The following SYN2 variants were observed in gnomAD, a reference collection of about 807,000 sequenced individuals.
SYN2 encodes synapsin-2.
SYN2 carries 19 observed loss-of-function variants against 50.9 expected under a neutral mutation model. That is an observed-to-expected ratio of 0.37 (90% CI 0.26 to 0.55). SYN2 has a LOEUF of 0.55. Among genes scored for constraint, SYN2 ranks in the 20% least tolerant of loss-of-function variants. The pLI is 0.81. For synonymous variants in SYN2, 255 were observed against 224.9 expected (o/e 1.13, Z -1.20); for missense variants, 587 against 576.4 (o/e 1.02, Z -0.19).
Position 12,048,622 on chromosome 3 carries a change from G to A in SYN2, c.377+43694G>A, listed in dbSNP as rs115561703. Among the ~76,000 whole-genome samples the A allele has an allele frequency of 3.9e-3, 587 of 152,352 alleles. 1 individual carries two copies. Among genetic ancestry groups the A allele is most frequent in the Non-Finnish European group, 5.4e-3 (369 of 68,028 alleles). ...GAACGCTTATTGTGTGCCAGGTATT[G>A]TGATAGGTAGATAGTGGATAAGACA... is the stretch of plus-strand genomic sequence containing the variant. On this transcript the variant is annotated intron_variant, in intron 1 of 12. Coordinates refer to ENST00000621198, the MANE Select transcript of SYN2 (RefSeq NM_133625.6).
At chr3:12,097,222 A>G (rs1226783712) in intron 1 of SYN2, among the ~76,000 whole-genome samples, 3 of 152,192 alleles carry the variant, frequency 2.0e-5, no homozygotes, top group Non-Finnish European at 2.9e-5. Flanking sequence ...ATGCACACGT[A>G]TGTTTATTGC....
chr3:12,168,432 C>T lies in SYN2; in HGVS notation c.1112C>T (p.Ala371Val), dbSNP rs1444728459. Residue 371 changes from alanine (A) to valine (V), a missense_variant, in exon 9 of 13, where the codon GCT becomes GTT. Transcript: ENST00000621198. ...ATGTTTGGCGGCCTGGACATCTGTG[C>T]TGTCAAAGCTGTACATGGCAAAGAT... ...SEMFGGLDIC[A>V]VKAVHGKDGK... 2 of 1,613,950 alleles carry T rather than the reference C, an allele frequency of 1.2e-6. No homozygotes were observed. Among genetic ancestry groups the T allele is most frequent in the South Asian group, 1.1e-5 (1 of 91,052 alleles).
intron 1 of SYN2, among the ~76,000 whole-genome samples, chr3:12,103,293 A>G (rs550437436): frequency 1.3e-5 from 2 of 152,314 alleles, no homozygotes; most frequent in Admixed American, 6.5e-5. Context: ...AAGGAAGATA[A>G]TCCCAGAAGG....
chr3:12,179,955 A>G lies in SYN2; in HGVS notation c.1309-3357A>G, dbSNP rs1048686095. The stretch of plus-strand genomic sequence containing the variant: ...GTTGGTTGGGGTTTATTATTTATTT[A>G]TATATTTTTTTGAGACGGGGTCTCA... On this transcript the variant is annotated intron_variant, in intron 10 of 12. Coordinates refer to ENST00000621198, the MANE Select transcript of SYN2 (RefSeq NM_133625.6). Among the ~76,000 whole-genome samples, 5 of 151,980 alleles carry G rather than the reference A, an allele frequency of 3.3e-5. No individual in the cohort carries two copies. In the South Asian group the frequency reaches 1.0e-3, roughly 32 times the overall value.
chr3:12,170,012 C>T lies in SYN2; in HGVS notation c.1308+106C>T, dbSNP rs1697904301. 3 of 1,364,570 alleles carry T rather than the reference C, an allele frequency of 2.2e-6. No individual in the cohort carries two copies. In the African/African-American group the frequency reaches 4.4e-5, roughly 20 times the overall value. The allele number at this position is 1,364,570 out of a possible 1,614,324, so 84.5% of individuals were successfully genotyped here. A position where few individuals can be genotyped will look rare whatever the true frequency, so the allele number is the denominator to read the frequency against. On this transcript the variant is annotated intron_variant, in intron 10 of 12. Transcript: ENST00000621198. ...GAGTACAGGCCAGATGCCCACAGGC[C>T]TAAATGGGATCTAAGGAGACATCTC...
intron 10 of SYN2, among the ~76,000 whole-genome samples, chr3:12,172,994 A>C (rs1201568451): frequency 6.6e-6 from 1 of 152,232 alleles, no homozygotes; most frequent in Non-Finnish European, 1.5e-5. Flanking sequence ...GTGTGTGCTT[A>C]AAATTAGTTA....
At chr3:12,023,253 G>A (rs562267049) in intron 1 of SYN2, among the ~76,000 whole-genome samples, 1 of 152,140 alleles carries the variant, frequency 6.6e-6, no homozygotes, top group Non-Finnish European at 1.5e-5. Context: ...AGGGAATACA[G>A]GGATAAAATT....
chr3:12,088,547 A>G (rs1383769367), intron 1 of SYN2, among the ~76,000 whole-genome samples: 4 of 152,240 alleles, frequency 2.6e-5, no homozygotes, highest in Admixed American at 2.0e-4. Flanking sequence ...TTCTGGATAT[A>G]TATCCAAAGG....
intron 1 of SYN2, among the ~76,000 whole-genome samples, chr3:12,011,426 C>T (rs1693909563): frequency 6.6e-6 from 1 of 152,078 alleles, no homozygotes; most frequent in South Asian, 2.1e-4. Flanking sequence ...GGGCAGTGAC[C>T]TGTGGAGAGA....
At chr3:12,183,516 C>CA in intron 11 of SYN2, 144 bp downstream of exon 11, 4 of 1,571,368 alleles carry the variant, frequency 2.5e-6, no homozygotes, top group Non-Finnish European at 3.4e-6. Context: ...GAGGGGAAAA[C>CA]AGACCCTCCC....
At chr3:12,130,858 A>G (rs1188454006) in intron 1 of SYN2, among the ~76,000 whole-genome samples, 1 of 152,250 alleles carries the variant, frequency 6.6e-6, no homozygotes, top group Non-Finnish European at 1.5e-5. Context: ...ACAAATCAAC[A>G]GGTTTCATTC....
intron 1 of SYN2, among the ~76,000 whole-genome samples, chr3:12,048,010 C>G (rs1218927198): frequency 1.3e-5 from 2 of 152,146 alleles, no homozygotes; most frequent in East Asian, 3.9e-4. Flanking sequence ...GTTGTGTATT[C>G]CAACCTTTTA....
intron 1 of SYN2, 145 bp from the exon 2 acceptor site, chr3:12,140,506 C>T (rs1330195336): frequency 5.9e-6 from 4 of 679,256 alleles, no homozygotes; most frequent in Non-Finnish European, 8.2e-6. Context: ...GTGGTGATCT[C>T]ATAGCAGAAT....
At chr3:12,134,310 A>C (rs996233155) in intron 1 of SYN2, among the ~76,000 whole-genome samples, 9 of 152,212 alleles carry the variant, frequency 5.9e-5, no homozygotes, top group Admixed American at 5.2e-4. Context: ...AGTTGTAAAA[A>C]ATCATTTGGA....
At chr3:12,168,988 C>T (rs1334199233) in intron 9 of SYN2, among the ~76,000 whole-genome samples, 1 of 152,190 alleles carries the variant, frequency 6.6e-6, no homozygotes, top group Non-Finnish European at 1.5e-5. Context: ...ACATTCCTAC[C>T]CAATCTGGCT....
chr3:12,091,056 A>G (rs530650342), intron 1 of SYN2, among the ~76,000 whole-genome samples: 16 of 152,304 alleles, frequency 1.1e-4, no homozygotes, highest in African/African-American at 3.8e-4. Flanking sequence ...TCTTCCCCTC[A>G]TAATCTTGGT....
At chr3:12,013,274 G>A (rs1693954554) in intron 1 of SYN2, among the ~76,000 whole-genome samples, 1 of 152,076 alleles carries the variant, frequency 6.6e-6, no homozygotes, top group Admixed American at 6.6e-5. Context: ...CAGCCTCTTT[G>A]TTCTCTTCAT....
At chr3:12,174,803 A>G (rs912914512) in intron 10 of SYN2, among the ~76,000 whole-genome samples, 3 of 152,196 alleles carry the variant, frequency 2.0e-5, no homozygotes, top group Non-Finnish European at 4.4e-5. Context: ...CCTTAACAGT[A>G]TAACTGATAC....
chr3:12,076,430 A>G (rs1291717378), intron 1 of SYN2, among the ~76,000 whole-genome samples: 2 of 152,160 alleles, frequency 1.3e-5, no homozygotes, highest in East Asian at 1.9e-4. Context: ...GATTACGGTA[A>G]CATGATCACC....
Sources: allele counts gnomAD v4.1 joint callset (sites outside exome capture counted in the v4.1 genomes callset), GRCh38; gene constraint gnomAD v4.1.1; transcripts MANE v1.5; gene names NCBI Gene and HGNC (gene_info 2026-07-23, HGNC 2026-07-21).